The following SV2C variants were observed in gnomAD, a reference collection of about 807,000 sequenced individuals.
The protein encoded by SV2C is solute carrier family 22 member B3.
In SV2C, 49 loss-of-function variants were observed where a neutral mutation model predicts 79.7. That is an observed-to-expected ratio of 0.61 (90% CI 0.49 to 0.78). The LOEUF (loss-of-function observed/expected upper bound fraction) is 0.78. SV2C is among the 30% of genes least tolerant of loss of function. The pLI, the probability that SV2C is intolerant of heterozygous loss-of-function variation, is 0.00. For synonymous variants in SV2C, 334 were observed against 333.2 expected (o/e 1.00, Z -0.03); for missense variants, 833 against 912.9 (o/e 0.91, Z 1.13).
the SV2C span, among the ~76,000 whole-genome samples, chr5:76,042,751 G>C: frequency 1.3e-5 from 2 of 152,176 alleles, no homozygotes; most frequent in South Asian, 4.1e-4. Context: ...TCCAATTCCA[G>C]GTTTCAGTCT....
chr5:75,998,434 G>A, the SV2C span, among the ~76,000 whole-genome samples: 1 of 152,112 alleles, frequency 6.6e-6, no homozygotes, highest in Non-Finnish European at 1.5e-5. Flanking sequence ...CTTTCATTAT[G>A]TGCTCCCTGA....
chr5:76,298,964 C>A (rs780983642), intron 10 of SV2C, 37 bp downstream of exon 10: 24 of 1,604,616 alleles, frequency 1.5e-5, no homozygotes, highest in Non-Finnish European at 2.0e-5. Context: ...TACCTGAGGC[C>A]TCTCCAAAGG....
At chr5:75,921,104 T>C in the SV2C span, 1 of 798,444 alleles carries the variant, frequency 1.3e-6, no homozygotes. Context: ...GGTGAGGGCA[T>C]TGTGCACGGA....
chr5:75,978,402 A>G, the SV2C span, among the ~76,000 whole-genome samples: 1 of 152,170 alleles, frequency 6.6e-6, no homozygotes. Flanking sequence ...ACAATGTCAA[A>G]TAGTCACGTG....
intron 1 of SV2C, among the ~76,000 whole-genome samples, chr5:76,122,519 G>C: frequency 6.6e-6 from 1 of 152,100 alleles, no homozygotes; most frequent in Non-Finnish European, 1.5e-5. Flanking sequence ...GTCATAAATA[G>C]CTCTTATTAT....
At chr5:75,867,957 G>T in the SV2C span, among the ~76,000 whole-genome samples, 1 of 152,214 alleles carries the variant, frequency 6.6e-6, no homozygotes, top group East Asian at 1.9e-4. Flanking sequence ...TCAAGGGGGT[G>T]CATAGTCTGT....
the SV2C span, among the ~76,000 whole-genome samples, chr5:75,883,839 A>C: frequency 7.0e-6 from 1 of 142,032 alleles, no homozygotes; most frequent in Non-Finnish European, 1.5e-5. Flanking sequence ...AAGTATAATA[A>C]TATTTAAAAA....
intron 1 of SV2C, among the ~76,000 whole-genome samples, chr5:76,118,528 A>G (rs1354591612): frequency 6.6e-6 from 1 of 152,214 alleles, no homozygotes; most frequent in African/African-American, 2.4e-5. Flanking sequence ...CAATAATCAA[A>G]TGTATCTAAA....
chr5:76,181,120 A>G (rs760038427), intron 2 of SV2C, among the ~76,000 whole-genome samples: 15 of 152,022 alleles, frequency 9.9e-5, no homozygotes, highest in Non-Finnish European at 2.1e-4. Context: ...TTCAATTAAT[A>G]CACACCTACC....
chr5:76,096,352 C>G (rs1422503272), intron 1 of SV2C, among the ~76,000 whole-genome samples: 2 of 152,108 alleles, frequency 1.3e-5, no homozygotes, highest in African/African-American at 4.8e-5. Context: ...AAAACTGTCT[C>G]ATTTGATATA....
chr5:76,279,948 A>C (rs773724278), intron 4 of SV2C, among the ~76,000 whole-genome samples: 8 of 152,260 alleles, frequency 5.3e-5, no homozygotes, highest in African/African-American at 1.9e-4. Flanking sequence ...AGCTAGGCAC[A>C]TGGACGGCTC....
chr5:75,871,606 G>A, the SV2C span, among the ~76,000 whole-genome samples: 81 of 151,970 alleles, frequency 5.3e-4, 1 homozygote, highest in South Asian at 1.7e-3. Context: ...TCAGGAGATC[G>A]AGACCATCCT....
chr5:75,999,270 A>G, the SV2C span, among the ~76,000 whole-genome samples: 8 of 150,474 alleles, frequency 5.3e-5, no homozygotes, highest in Non-Finnish European at 1.2e-4. Flanking sequence ...ATATGTATGT[A>G]TGTGTGTATG....
intron 1 of SV2C, among the ~76,000 whole-genome samples, chr5:76,110,330 G>C (rs915372864): frequency 6.6e-6 from 1 of 152,178 alleles, no homozygotes; most frequent in African/African-American, 2.4e-5. Context: ...TTGGGAAGTG[G>C]ATGGCTTGGA....
chr5:76,158,912 C>T (rs1377312940), intron 2 of SV2C, among the ~76,000 whole-genome samples: 1 of 151,926 alleles, frequency 6.6e-6, no homozygotes, highest in Non-Finnish European at 1.5e-5. Context: ...TACTAGCAAG[C>T]TGAATCCAGA....
At chr5:75,963,069 G>A in the SV2C span, among the ~76,000 whole-genome samples, 1 of 152,092 alleles carries the variant, frequency 6.6e-6, no homozygotes, top group East Asian at 1.9e-4. Context: ...GGAGACTTGA[G>A]GAAAGGCATG....
At chr5:76,011,755 G>T in the SV2C span, among the ~76,000 whole-genome samples, 1 of 151,784 alleles carries the variant, frequency 6.6e-6, no homozygotes, top group South Asian at 2.1e-4. Context: ...TGCTATCCCT[G>T]TCCTAGCACC....
At chr5:76,104,816 C>A (rs186911161) in intron 1 of SV2C, among the ~76,000 whole-genome samples, 3 of 152,284 alleles carry the variant, frequency 2.0e-5, no homozygotes, top group African/African-American at 7.2e-5. Context: ...TGCTCTTTCT[C>A]ATTCTCTTTT....
chr5:75,847,476 AC>A, the SV2C span, among the ~76,000 whole-genome samples: 1 of 152,188 alleles, frequency 6.6e-6, no homozygotes. Context: ...ACCCATGTAC[AC>A]TGACTTGCAG....
Sources: allele counts gnomAD v4.1 joint callset (sites outside exome capture counted in the v4.1 genomes callset), GRCh38; gene constraint gnomAD v4.1.1; transcripts MANE v1.5; gene names NCBI Gene and HGNC (gene_info 2026-07-23, HGNC 2026-07-21).